COLEC12: variants seen among roughly 807,000 people sequenced by gnomAD.
The protein encoded by COLEC12 is collectin-12.
COLEC12 carries 33 observed loss-of-function variants against 71.1 expected under a neutral mutation model. The ratio of observed to expected loss-of-function variants is 0.46; its 90% CI spans 0.35 to 0.62. COLEC12 has a LOEUF of 0.62. COLEC12 is among the 20% of genes least tolerant of loss of function. The pLI, the probability that COLEC12 is intolerant of heterozygous loss-of-function variation, is 0.00. For missense variants in COLEC12, 765 were observed against 916.1 expected (o/e 0.84, Z 2.13); for synonymous variants, 350 against 353.0 (o/e 0.99, Z 0.10).
intron 2 of COLEC12, among the ~76,000 whole-genome samples, chr18:404,498 T>G (rs1172426182): frequency 2.0e-5 from 3 of 152,138 alleles, no homozygotes; most frequent in Non-Finnish European, 2.9e-5. Flanking sequence ...AAAGACAGGA[T>G]GGAGTCACAC....
chr18:485,181 C>T (rs1008151909), intron 1 of COLEC12, among the ~76,000 whole-genome samples: 1 of 152,156 alleles, frequency 6.6e-6, no homozygotes, highest in African/African-American at 2.4e-5. Context: ...GTGTTGTATC[C>T]CAGATTGTCT....
intron 2 of COLEC12, among the ~76,000 whole-genome samples, chr18:429,930 C>T (rs923669674): frequency 2.0e-5 from 3 of 152,120 alleles, no homozygotes; most frequent in East Asian, 1.9e-4. Context: ...TGTTAATTTC[C>T]GTCTCTCCAA....
chr18:333,005 A>G lies in COLEC12; in HGVS notation c.1953+2T>C, dbSNP rs1205817146. On this transcript the variant is annotated splice_donor_variant, in intron 7 of 9. Coordinates refer to ENST00000400256, the MANE Select transcript of COLEC12 (RefSeq NM_130386.3). LOFTEE classifies it high-confidence loss of function. ...CCCCAACCAAGTATGTGGCAGGCAT[A>G]CCTGTTCCTCTCTAGTGTTTATGAA... is the stretch of plus-strand genomic sequence containing the variant. The G allele has an allele frequency of 7.0e-6, 11 of 1,580,532 alleles. No individual in the cohort carries two copies. The highest frequency in any genetic ancestry group is 9.4e-6 in the Non-Finnish European group (11 of 1,167,338).
chr18:322,687 G>C (rs965338847), intron 8 of COLEC12, among the ~76,000 whole-genome samples: 13 of 152,206 alleles, frequency 8.5e-5, no homozygotes, highest in African/African-American at 2.4e-4. Context: ...CCTGCCTCAT[G>C]TGGAGGGTCT....
At chr18:439,958 T>A (rs1037694486) in intron 2 of COLEC12, among the ~76,000 whole-genome samples, 1 of 149,658 alleles carries the variant, frequency 6.7e-6, no homozygotes, top group African/African-American at 2.5e-5. Flanking sequence ...CATTGACACA[T>A]TCGTGGGTAA....
In COLEC12 at chr18:317,812, G is replaced by A. The variant is rs904894340; in HGVS notation, c.*2233C>T. 2 of 152,206 alleles carry A rather than the reference G, an allele frequency of 1.3e-5. No homozygotes were observed. Among genetic ancestry groups the A allele is most frequent in the African/African-American group, 2.4e-5 (1 of 41,436 alleles). The allele number at this position is 152,206 out of a possible 1,614,324, so 9.4% of individuals were successfully genotyped here. A position where few individuals can be genotyped will look rare whatever the true frequency, so the allele number is the denominator to read the frequency against. The stretch of plus-strand genomic sequence containing the variant: ...TGTGGTGCAGGCTTCAGCAGTTTAG[G>A]CCCAGAGGACTGTGGGTCCCACCTG... On this transcript the variant is annotated 3_prime_UTR_variant, in exon 10 of 10. Coordinates refer to ENST00000400256, the MANE Select transcript of COLEC12 (RefSeq NM_130386.3).
At chr18:320,424 T>C (rs1440064745) in intron 9 of COLEC12, among the ~76,000 whole-genome samples, 1 of 152,210 alleles carries the variant, frequency 6.6e-6, no homozygotes, top group Non-Finnish European at 1.5e-5. Context: ...TGTGAGTTCC[T>C]ATGTGTCTTA....
chr18:385,545 G>A (rs75021141), intron 2 of COLEC12, among the ~76,000 whole-genome samples: 7,960 of 151,966 alleles, frequency 0.052, 292 homozygotes, highest in East Asian at 0.18. Context: ...GGCTGGTCTC[G>A]AACTCCTGAC....
At chr18:382,141 A>C (rs993329103) in intron 2 of COLEC12, among the ~76,000 whole-genome samples, 10 of 152,210 alleles carry the variant, frequency 6.6e-5, no homozygotes. Flanking sequence ...TGTGGGTCAA[A>C]CAGGCATTGC....
intron 5 of COLEC12, among the ~76,000 whole-genome samples, chr18:343,232 C>A (rs1266778081): frequency 6.6e-6 from 1 of 152,166 alleles, no homozygotes; most frequent in African/African-American, 2.4e-5. Flanking sequence ...GTCCTGGGCA[C>A]AAACATGGAC....
intron 1 of COLEC12, among the ~76,000 whole-genome samples, chr18:499,325 C>G (rs1389609257): frequency 1.3e-5 from 2 of 152,198 alleles, no homozygotes; most frequent in African/African-American, 2.4e-5. Flanking sequence ...CCGAGGTCTC[C>G]CGACGTGGAC....
At chr18:364,120 T>C (rs530440254) in intron 2 of COLEC12, among the ~76,000 whole-genome samples, 12 of 152,374 alleles carry the variant, frequency 7.9e-5, no homozygotes, top group Admixed American at 3.9e-4. Flanking sequence ...TTTGTTTTCA[T>C]TGAAATTTTT....
chr18:351,962 G>A (rs891590360), intron 3 of COLEC12, among the ~76,000 whole-genome samples: 1 of 152,208 alleles, frequency 6.6e-6, no homozygotes, highest in Admixed American at 6.5e-5. Context: ...TTACAGGAAT[G>A]AGGGATTTAT....
chr18:316,837 A>T lies in COLEC12; in HGVS notation c.*3208T>A, dbSNP rs1913560511. 6.6e-6 allele frequency: 1 copy of T among 152,196 alleles called. No individual in the cohort carries two copies. The highest frequency in any genetic ancestry group is 1.5e-5 in the Non-Finnish European group (1 of 68,044). The allele number at this position is 152,196 out of a possible 1,614,324, so 9.4% of individuals were successfully genotyped here. A position where few individuals can be genotyped will look rare whatever the true frequency, so the allele number is the denominator to read the frequency against. ...AAAACATTTTCTATCTTCTCATAGT[A>T]GTAAGTAGCAACTCAGGTGCCTGAA... On this transcript the variant is annotated 3_prime_UTR_variant, in exon 10 of 10. Coordinates refer to ENST00000400256, the MANE Select transcript of COLEC12 (RefSeq NM_130386.3).
At chr18:476,197 AC>A (rs2143763673) in intron 2 of COLEC12, among the ~76,000 whole-genome samples, 1 of 151,830 alleles carries the variant, frequency 6.6e-6, no homozygotes, top group African/African-American at 2.4e-5. Context: ...TCCCCTTAGA[AC>A]TCTCCCACTT....
At chr18:351,614 T>C (rs186453983) in intron 3 of COLEC12, among the ~76,000 whole-genome samples, 16 of 152,232 alleles carry the variant, frequency 1.1e-4, no homozygotes, top group Admixed American at 9.2e-4. Context: ...GTTGCCCAGG[T>C]TGGAGTACAA....
chr18:434,232 C>T (rs547616837), intron 2 of COLEC12, among the ~76,000 whole-genome samples: 9 of 152,236 alleles, frequency 5.9e-5, no homozygotes, highest in South Asian at 2.1e-4. Context: ...TTAGGATATA[C>T]GCTTTATACT....
Position 474,270 on chromosome 18 carries a change from C to A in COLEC12, c.58+6437G>T, listed in dbSNP as rs550962968. 2.6e-5 allele frequency among the ~76,000 whole-genome samples: 4 copies of A among 152,286 alleles called. No individual in the cohort carries two copies. The East Asian group carries it at 7.7e-4, about 29-fold the overall frequency. ...TCTCACCTGTAAACCACATATAATT[C>A]CCACCTCAAAGGGTTTCTGGGGGAA... On this transcript the variant is annotated intron_variant, in intron 2 of 9. Transcript: ENST00000400256.
chr18:443,534 T>C (rs1017062452), intron 2 of COLEC12, among the ~76,000 whole-genome samples: 5 of 152,196 alleles, frequency 3.3e-5, no homozygotes, highest in Non-Finnish European at 5.9e-5. Flanking sequence ...CATGGGAACA[T>C]GTGTTTGTTT....
Sources: gnomAD v4.1 joint callset for allele counts (sites outside exome capture counted in the v4.1 genomes callset) on GRCh38, gnomAD v4.1.1 for gene constraint, MANE v1.5 for transcripts, NCBI Gene and HGNC (gene_info 2026-07-23, HGNC 2026-07-21) for gene names.